The following TENM4 variants were observed in gnomAD, a reference collection of about 807,000 sequenced individuals.
The protein encoded by TENM4 is teneurin transmembrane protein 4.
Under a neutral mutation model 243.3 loss-of-function variants are expected in TENM4, and 82 were observed. The ratio of observed to expected loss-of-function variants is 0.34; its 90% confidence interval spans 0.28 to 0.40. TENM4 has a LOEUF of 0.40. TENM4 is among the 10% of genes least tolerant of loss of function. The pLI, the probability that TENM4 is intolerant of heterozygous loss-of-function variation, is 1.00. For missense variants in TENM4, 3,138 were observed against 3,673.3 expected (o/e 0.85, Z 3.77); for synonymous variants, 1,412 against 1,456.3 (o/e 0.97, Z 0.69).
chr11:79,170,492 G>A (rs1469717250), intron 3 of TENM4, among the ~76,000 whole-genome samples: 2 of 152,178 alleles, frequency 1.3e-5, no homozygotes, highest in Non-Finnish European at 2.9e-5. Context: ...GTTTAGTTAG[G>A]ATGAGGTTAT....
At chr11:79,017,008 A>G (rs980533704) in intron 6 of TENM4, among the ~76,000 whole-genome samples, 8 of 152,372 alleles carry the variant, frequency 5.3e-5, no homozygotes, top group East Asian at 1.9e-4. Flanking sequence ...ATGAGGCTCA[A>G]TGTGATGTTT....
intron 1 of TENM4, among the ~76,000 whole-genome samples, chr11:79,377,136 C>T (rs1565321241): frequency 6.6e-6 from 1 of 152,100 alleles, no homozygotes; most frequent in Non-Finnish European, 1.5e-5. Context: ...TGGCCACAAG[C>T]CAAGGAATGC....
intron 22 of TENM4, among the ~76,000 whole-genome samples, chr11:78,727,731 G>T (rs749079558): frequency 6.6e-6 from 1 of 152,146 alleles, no homozygotes; most frequent in Non-Finnish European, 1.5e-5. Flanking sequence ...CAGCCTCCCT[G>T]CCCCTGGGTG....
chr11:79,306,679 C>T (rs1340763166), intron 1 of TENM4, among the ~76,000 whole-genome samples: 1 of 152,180 alleles, frequency 6.6e-6, no homozygotes, highest in Non-Finnish European at 1.5e-5. Context: ...TACATGCACA[C>T]ATTTAGTCTG....
intron 1 of TENM4, among the ~76,000 whole-genome samples, chr11:79,379,103 C>A (rs1037730004): frequency 6.6e-6 from 1 of 151,906 alleles, no homozygotes; most frequent in Non-Finnish European, 1.5e-5. Context: ...AGAGACAGGC[C>A]CAGGGGAAGG....
At chr11:79,162,197 G>C (rs1023899511) in intron 3 of TENM4, among the ~76,000 whole-genome samples, 1 of 152,162 alleles carries the variant, frequency 6.6e-6, no homozygotes, top group African/African-American at 2.4e-5. Context: ...GGAGGGCAGT[G>C]GTCAAGATCA....
intron 1 of TENM4, among the ~76,000 whole-genome samples, chr11:79,340,386 G>C (rs925042502): frequency 2.6e-5 from 4 of 152,040 alleles, no homozygotes; most frequent in South Asian, 2.1e-4. Context: ...CAAAAAAATG[G>C]AGACAAATGT....
At chr11:78,848,359 C>T (rs934775157) in intron 12 of TENM4, among the ~76,000 whole-genome samples, 12 of 152,136 alleles carry the variant, frequency 7.9e-5, no homozygotes, top group Non-Finnish European at 1.5e-5. Flanking sequence ...TCCTTGATAA[C>T]TCATTTCTGC....
chr11:79,050,781 A>T (rs1859771784), intron 6 of TENM4, among the ~76,000 whole-genome samples: 1 of 152,224 alleles, frequency 6.6e-6, no homozygotes, highest in African/African-American at 2.4e-5. Flanking sequence ...GTTTGGGACC[A>T]AAAGGATTTG....
chr11:79,071,730 G>A (rs1860419454), intron 4 of TENM4, among the ~76,000 whole-genome samples: 1 of 151,900 alleles, frequency 6.6e-6, no homozygotes, highest in Non-Finnish European at 1.5e-5. Flanking sequence ...GATTTTATTG[G>A]TGCCTCACAA....
At chr11:78,988,540 GA>G (rs1449325185) in intron 6 of TENM4, among the ~76,000 whole-genome samples, 18 of 152,230 alleles carry the variant, frequency 1.2e-4, no homozygotes, top group Non-Finnish European at 2.4e-4. Flanking sequence ...ATATCTTAAA[GA>G]AGTCACACAT....
At chr11:78,849,385 C>T (rs187511334) in intron 12 of TENM4, among the ~76,000 whole-genome samples, 4 of 152,166 alleles carry the variant, frequency 2.6e-5, no homozygotes, top group Admixed American at 6.5e-5. Flanking sequence ...TAATAGTAAC[C>T]GTGACAAATA....
chr11:78,722,547 G>C, intron 24 of TENM4, 121 bp downstream of exon 24: 1 of 1,370,024 alleles, frequency 7.3e-7, no homozygotes, highest in Non-Finnish European at 9.9e-7. Flanking sequence ...AAGTCTCAGA[G>C]CCTGACGGGC....
At chr11:79,332,796 C>G (rs1857082988) in intron 1 of TENM4, among the ~76,000 whole-genome samples, 1 of 152,150 alleles carries the variant, frequency 6.6e-6, no homozygotes, top group Admixed American at 6.5e-5. Context: ...CCTGGCTAAG[C>G]AGCTCACAAC....
chr11:79,031,645 G>A (rs1043033723), intron 6 of TENM4, among the ~76,000 whole-genome samples: 1 of 152,188 alleles, frequency 6.6e-6, no homozygotes, highest in Non-Finnish European at 1.5e-5. Context: ...GTCAAGGTGA[G>A]GGGTTTAGGA....
intron 3 of TENM4, among the ~76,000 whole-genome samples, chr11:79,159,916 T>C (rs1591322942): frequency 6.6e-6 from 1 of 152,226 alleles, no homozygotes; most frequent in East Asian, 1.9e-4. Context: ...AAAATCACAC[T>C]TGTTCACTCA....
chr11:78,984,283 T>C (rs1857870153), intron 6 of TENM4, among the ~76,000 whole-genome samples: 3 of 152,164 alleles, frequency 2.0e-5, no homozygotes, highest in Admixed American at 1.3e-4. Context: ...TGAAGCCTAG[T>C]AAAGTATTTG....
Position 78,903,501 on chromosome 11 carries a change from G to A in TENM4, c.516C>T (p.Asn172=). ...TETDHPGGLQ[N]HARLRTPPPP... Reference sequence around the variant, plus strand: ...GCGGCGGCGTCCGGAGCCGCGCGTGGTTCTGCAGGCCGCCCGGATGATCTA... The same window carrying A: ...GCGGCGGCGTCCGGAGCCGCGCGTGATTCTGCAGGCCGCCCGGATGATCTA... Residue 172 remains asparagine (N), a synonymous_variant, in exon 7 of 34, where the codon AAC becomes AAT. Coordinates refer to ENST00000278550, the MANE Select transcript of TENM4 (RefSeq NM_001098816.3). 6.5e-7 allele frequency: 1 copy of A among 1,547,794 alleles called. No individual in the cohort carries two copies. The highest frequency in any genetic ancestry group is 8.7e-7 in the Non-Finnish European group (1 of 1,146,602).
chr11:78,923,843 C>CTTTTTT (rs34116618), intron 6 of TENM4, among the ~76,000 whole-genome samples: 1 of 142,682 alleles, frequency 7.0e-6, no homozygotes, highest in Non-Finnish European at 1.5e-5. Flanking sequence ...CCTCGCTATT[C>CTTTTTT]TTTTTTTTTT....
Sources: allele counts gnomAD v4.1 joint callset (sites outside exome capture counted in the v4.1 genomes callset), GRCh38; gene constraint gnomAD v4.1.1; transcripts MANE v1.5; gene names NCBI Gene and HGNC (gene_info 2026-07-23, HGNC 2026-07-21).